SLCO2A1: variants seen among roughly 807,000 people sequenced by gnomAD.
SLCO2A1 encodes the protein solute carrier organic anion transporter family member 2A1.
In SLCO2A1, 60 loss-of-function variants were observed where a neutral mutation model predicts 71.7. The ratio of observed to expected loss-of-function variants is 0.84; its 90% CI spans 0.68 to 1.04. SLCO2A1 has a LOEUF of 1.04. Ranked by LOEUF, SLCO2A1 falls within the 50% of genes least tolerant of loss-of-function variation. The probability of loss-of-function intolerance (pLI) is 0.00; values close to 1 mark genes in which losing one functional copy is unlikely to be tolerated. For synonymous variants in SLCO2A1, 308 were observed against 326.7 expected (o/e 0.94, Z 0.62); for missense variants, 745 against 813.4 (o/e 0.92, Z 1.02).
Position 133,953,840 on chromosome 3 carries a change from A to G in SLCO2A1, c.626-79T>C, listed in dbSNP as rs1249739317. The G allele has an allele frequency of 7.5e-6, 8 of 1,063,124 alleles. No homozygotes were observed. In the East Asian group the frequency reaches 1.7e-4, roughly 22 times the overall value. The allele number at this position is 1,063,124 out of a possible 1,614,324, so 65.9% of individuals were successfully genotyped here. ...GCCTTGGGCTCCCAAGCTGAGGGGGAGTCTTGAGATATCACTTCATCTGTT... is the reference window on the plus strand; with the variant it reads ...GCCTTGGGCTCCCAAGCTGAGGGGGGGTCTTGAGATATCACTTCATCTGTT... On this transcript the variant is annotated intron_variant, in intron 4 of 13. Transcript: ENST00000310926.
intron 3 of SLCO2A1, among the ~76,000 whole-genome samples, chr3:133,961,989 A>G (rs990412233): frequency 2.0e-5 from 3 of 152,248 alleles, no homozygotes; most frequent in African/African-American, 4.8e-5. Context: ...TGGGCTTCCC[A>G]GACAATCAAG....
intron 5 of SLCO2A1, among the ~76,000 whole-genome samples, chr3:133,953,183 T>C (rs1480805763): frequency 6.6e-6 from 1 of 152,010 alleles, no homozygotes; most frequent in South Asian, 2.1e-4. Context: ...ACTACAGGCA[T>C]CTGCCACCAC....
intron 1 of SLCO2A1, among the ~76,000 whole-genome samples, chr3:133,991,078 C>T (rs181968827): frequency 6.6e-6 from 1 of 152,128 alleles, no homozygotes; most frequent in Non-Finnish European, 1.5e-5. Context: ...CCACAGCACT[C>T]CAGCCTGGGT....
intron 10 of SLCO2A1, 77 bp from the exon 11 acceptor site, chr3:133,942,845 G>T: frequency 7.1e-7 from 1 of 1,414,336 alleles, no homozygotes; most frequent in Non-Finnish European, 9.5e-7. Flanking sequence ...GTCTGCACCA[G>T]CTCTTGTTGG....
chr3:133,966,373 A>T (rs536804297), intron 3 of SLCO2A1, among the ~76,000 whole-genome samples: 9 of 152,246 alleles, frequency 5.9e-5, no homozygotes, highest in African/African-American at 1.7e-4. Flanking sequence ...TTCTGCAACC[A>T]ATGCTTCTGG....
At chr3:133,981,410 A>G (rs903625456) in intron 1 of SLCO2A1, among the ~76,000 whole-genome samples, 2 of 152,156 alleles carry the variant, frequency 1.3e-5, no homozygotes, top group Non-Finnish European at 2.9e-5. Context: ...GGTTTTCCCA[A>G]CTGCAAGGTA....
chr3:133,991,785 T>G (rs1422484412), intron 1 of SLCO2A1, among the ~76,000 whole-genome samples: 7 of 152,170 alleles, frequency 4.6e-5, no homozygotes, highest in African/African-American at 1.7e-4. Context: ...CACTGCTCAG[T>G]GTAACTCTTC....
intron 1 of SLCO2A1, among the ~76,000 whole-genome samples, chr3:134,023,177 G>A (rs1290909120): frequency 6.6e-6 from 1 of 152,062 alleles, no homozygotes; most frequent in Non-Finnish European, 1.5e-5. Flanking sequence ...CATTACACCC[G>A]AGTCAAGAAA....
intron 3 of SLCO2A1, among the ~76,000 whole-genome samples, chr3:133,962,178 T>G (rs1934051762): frequency 6.6e-6 from 1 of 152,180 alleles, no homozygotes; most frequent in South Asian, 2.1e-4. Flanking sequence ...CTCCCGGGTT[T>G]AAGCGATTCT....
rs1283391880 is a variant in SLCO2A1 at position 133,947,427 on chromosome 3, G to T, written c.1124C>A (p.Ala375Asp). Residue 375 changes from alanine to aspartate, a missense_variant, in exon 9 of 14, where the codon GCT becomes GAT. Transcript: ENST00000310926. ...TCCAAACAGCATCCCCAAGGCTGCAGCAGGGAGGTTCACAGCACCTATAAG... is the reference window on the plus strand; with the variant it reads ...TCCAAACAGCATCCCCAAGGCTGCATCAGGGAGGTTCACAGCACCTATAAG... ...NFLIGAVNLPAAALGMLFGGI... is the reference protein window; with the variant it reads ...NFLIGAVNLPDAALGMLFGGI... 2 of 1,613,468 alleles carry T rather than the reference G, an allele frequency of 1.2e-6. No individual in the cohort carries two copies. The highest frequency in any genetic ancestry group is 1.7e-6 in the Non-Finnish European group (2 of 1,179,802).
In SLCO2A1 at chr3:133,942,716, C is replaced by T. The variant is rs1933459145; in HGVS notation, c.1514G>A (p.Gly505Glu). The change falls in exon 11 of 14, where the codon GGA becomes GAA. Residue 505 changes from glycine to glutamate, a missense_variant. Gly to Glu is a moderately conservative substitution (Grantham distance 98). Coordinates refer to ENST00000310926, the MANE Select transcript of SLCO2A1 (RefSeq NM_005630.3). The stretch of plus-strand genomic sequence containing the variant: ...GTGGGCACAGGGGACAGGGCACGAT[C>T]CTGTCTTTGCTGAAGCGGATCCCCC... ...VTGGSASAKT[G>E]SCPVPCAHFL... 6.2e-7 allele frequency: 1 copy of T among 1,613,308 alleles called. No homozygotes were observed. Among genetic ancestry groups the T allele is most frequent in the Non-Finnish European group, 8.5e-7 (1 of 1,179,674 alleles).
chr3:133,949,308 G>A (rs758669595), intron 6 of SLCO2A1: 17 of 287,886 alleles, frequency 5.9e-5, no homozygotes, highest in Admixed American at 9.3e-5. Context: ...TCATGGCTAC[G>A]CTTCTCCCCT....
chr3:134,000,733 G>A (rs756023271), intron 1 of SLCO2A1, among the ~76,000 whole-genome samples: 11 of 152,126 alleles, frequency 7.2e-5, no homozygotes, highest in African/African-American at 1.2e-4. Context: ...CAACCCAGTC[G>A]CAACATTTGG....
chr3:133,951,327 G>T lies in SLCO2A1; in HGVS notation c.742C>A (p.Pro248Thr). ...RVNTAAVNLV[P>T]GDPRWIGAWW... ...GCTCCAATCCATCGGGGGTCACCCG[G>T]GACCAAGTTAACTGCAGCTGAAGAG... The change falls in exon 6 of 14, where the codon CCG becomes ACG. Residue 248 changes from proline (P) to threonine (T), a missense_variant. Pro to Thr is a conservative substitution (Grantham distance 38). Transcript: ENST00000310926. The T allele has an allele frequency of 6.2e-7, 1 of 1,614,080 alleles. No individual in the cohort carries two copies. The highest frequency in any genetic ancestry group is 8.5e-7 in the Non-Finnish European group (1 of 1,180,004).
chr3:134,026,631 T>C (rs1159376025), intron 1 of SLCO2A1, among the ~76,000 whole-genome samples: 1 of 152,120 alleles, frequency 6.6e-6, no homozygotes, highest in Non-Finnish European at 1.5e-5. Flanking sequence ...AACTGAATCA[T>C]ACGGTTACAA....
chr3:134,014,204 C>A (rs1038225724), intron 1 of SLCO2A1, among the ~76,000 whole-genome samples: 1 of 152,088 alleles, frequency 6.6e-6, no homozygotes, highest in African/African-American at 2.4e-5. Context: ...CTGCCCTGTT[C>A]GGGGGTGGGA....
rs1292870536 is a variant in SLCO2A1, at chr3:133,979,580, T to A, written c.135A>T (p.Gln45His). The change falls in exon 2 of 14, where the codon CAA becomes CAT. Residue 45 changes from glutamine (Q) to histidine (H), a missense_variant. Gln to His is a conservative substitution (Grantham distance 24, BLOSUM62 0). Coordinates refer to ENST00000310926, the MANE Select transcript of SLCO2A1 (RefSeq NM_005630.3). The part of the protein sequence containing the change: ...VLCQGLLQLC[Q>H]LLYSAYFKSS... ...TCTTGAAGTAGGCGCTGTACAGGAG[T>A]TGGCAGAGCTGCAGGAGGCCTTGGC... is the stretch of plus-strand genomic sequence containing the variant. The A allele has an allele frequency of 6.2e-7, 1 of 1,613,748 alleles. No homozygotes were observed. Among genetic ancestry groups the A allele is most frequent in the Admixed American group, 1.7e-5 (1 of 59,974 alleles).
chr3:133,978,623 T>C (rs550982762), intron 2 of SLCO2A1, among the ~76,000 whole-genome samples: 120 of 151,962 alleles, frequency 7.9e-4, no homozygotes, highest in African/African-American at 2.6e-3. Context: ...TTTCACTAAG[T>C]CAAGGGAAGA....
intron 3 of SLCO2A1, among the ~76,000 whole-genome samples, chr3:133,958,470 A>G (rs1933946941): frequency 6.6e-6 from 1 of 152,188 alleles, no homozygotes; most frequent in South Asian, 2.1e-4. Flanking sequence ...TGCACAGGCT[A>G]TGCTGGTCTT....
Sources: gnomAD v4.1 joint callset for allele counts (sites outside exome capture counted in the v4.1 genomes callset) on GRCh38, gnomAD v4.1.1 for gene constraint, MANE v1.5 for transcripts, NCBI Gene and HGNC (gene_info 2026-07-23, HGNC 2026-07-21) for gene names.